SLC35F4: variants seen among roughly 807,000 people sequenced by gnomAD.
SLC35F4 encodes chromosome 14 open reading frame 36.
Under a neutral mutation model 44.2 loss-of-function variants are expected in SLC35F4, and 24 were observed. That is an observed-to-expected ratio of 0.54 (90% confidence interval 0.39 to 0.76). SLC35F4 has a LOEUF of 0.76. Ranked by LOEUF, SLC35F4 falls within the 30% of genes least tolerant of loss-of-function variation. SLC35F4 has a pLI of 0.00. For synonymous variants in SLC35F4, 238 were observed against 223.6 expected (o/e 1.06, Z -0.57); for missense variants, 562 against 586.1 (o/e 0.96, Z 0.42).
intron 1 of SLC35F4, among the ~76,000 whole-genome samples, chr14:57,669,375 G>A (rs1468282044): frequency 6.6e-6 from 1 of 152,054 alleles, no homozygotes; most frequent in Non-Finnish European, 1.5e-5. Context: ...ATGTTGAATA[G>A]GAGTGGTGAG....
At chr14:57,616,083 T>C (rs2071801349) in intron 1 of SLC35F4, among the ~76,000 whole-genome samples, 1 of 152,256 alleles carries the variant, frequency 6.6e-6, no homozygotes, top group South Asian at 2.1e-4. Flanking sequence ...TTAAAATTTA[T>C]CATTTTAACT....
chr14:57,730,529 A>G (rs1008785008), intron 1 of SLC35F4, among the ~76,000 whole-genome samples: 2 of 152,170 alleles, frequency 1.3e-5, no homozygotes, highest in Admixed American at 1.3e-4. Flanking sequence ...TCCTAGTCTA[A>G]ATATCAAACA....
intron 1 of SLC35F4, among the ~76,000 whole-genome samples, chr14:57,856,997 C>A (rs547755259): frequency 2.0e-5 from 3 of 151,956 alleles, no homozygotes; most frequent in African/African-American, 7.3e-5. Flanking sequence ...TTTCCTTGGC[C>A]GGGCACGGTG....
intron 1 of SLC35F4, among the ~76,000 whole-genome samples, chr14:57,966,830 C>T (rs139811449): frequency 0.022 from 3,306 of 151,954 alleles, 62 homozygotes; most frequent in South Asian, 0.07. Flanking sequence ...GCCAACATGG[C>T]GAAACCCCGT....
intron 1 of SLC35F4, among the ~76,000 whole-genome samples, chr14:57,834,584 T>C (rs544186594): frequency 2.0e-5 from 3 of 152,278 alleles, no homozygotes; most frequent in African/African-American, 7.2e-5. Context: ...GGAGGGGAGA[T>C]ATTAGGACAG....
chr14:57,614,289 A>C (rs2071679814), intron 1 of SLC35F4, among the ~76,000 whole-genome samples: 1 of 152,220 alleles, frequency 6.6e-6, no homozygotes, highest in African/African-American at 2.4e-5. Flanking sequence ...TTAAGGAGGA[A>C]GAAAAAGTTG....
intron 1 of SLC35F4, among the ~76,000 whole-genome samples, chr14:57,793,335 A>G (rs1416064773): frequency 6.6e-6 from 1 of 151,326 alleles, no homozygotes; most frequent in Admixed American, 6.6e-5. Context: ...CTGGGCTTTT[A>G]GTGCACCCAT....
At chr14:57,669,773 G>A (rs886515314) in intron 1 of SLC35F4, among the ~76,000 whole-genome samples, 3 of 152,032 alleles carry the variant, frequency 2.0e-5, no homozygotes, top group Non-Finnish European at 2.9e-5. Context: ...GTTCACCAGG[G>A]ATATTGGTCT....
intron 1 of SLC35F4, among the ~76,000 whole-genome samples, chr14:57,778,788 CAATAAA>C (rs1595040237): frequency 1.3e-5 from 2 of 151,530 alleles, no homozygotes; most frequent in African/African-American, 4.8e-5. Flanking sequence ...GACCACAGCG[CAATAAA>C]AATAGAAATC....
intron 1 of SLC35F4, among the ~76,000 whole-genome samples, chr14:57,950,498 T>C (rs748204610): frequency 6.6e-6 from 1 of 152,120 alleles, no homozygotes; most frequent in African/African-American, 2.4e-5. Flanking sequence ...AGTAGCTTAA[T>C]AATCAACCTT....
intron 1 of SLC35F4, among the ~76,000 whole-genome samples, chr14:57,858,919 CA>C (rs948107478): frequency 1.1e-4 from 15 of 141,194 alleles, no homozygotes; most frequent in African/African-American, 4.0e-4. Flanking sequence ...GGCAACATAG[CA>C]AAACCTGATC....
chr14:57,978,125 G>A (rs916778341), intron 1 of SLC35F4, among the ~76,000 whole-genome samples: 1 of 152,150 alleles, frequency 6.6e-6, no homozygotes, highest in African/African-American at 2.4e-5. Flanking sequence ...TTTGCTGGGA[G>A]GAATAAGAGT....
At chr14:57,602,677 G>A (rs1342084299) in intron 1 of SLC35F4, 1 of 152,132 alleles carries the variant, frequency 6.6e-6, no homozygotes. Flanking sequence ...AATGCAACTA[G>A]TGACACTTTC....
At chr14:57,689,112 A>G (rs370808326) in intron 1 of SLC35F4, among the ~76,000 whole-genome samples, 67 of 152,294 alleles carry the variant, frequency 4.4e-4, no homozygotes, top group African/African-American at 1.5e-3. Flanking sequence ...GAAATATCCT[A>G]TAAGTGCTTC....
At chr14:57,700,487 A>T (rs1018384112) in intron 1 of SLC35F4, among the ~76,000 whole-genome samples, 2 of 152,198 alleles carry the variant, frequency 1.3e-5, no homozygotes, top group African/African-American at 2.4e-5. Context: ...TTTATATTTT[A>T]AAAATTCTTT....
In SLC35F4 at chr14:57,748,811, G is replaced by C. The variant is rs528199373; in HGVS notation, c.103+116912C>G. 3.5e-4 allele frequency among the ~76,000 whole-genome samples: 53 copies of C among 152,262 alleles called. 1 individual carries two copies. The South Asian group carries it at 0.01, about 30-fold the overall frequency. Reference sequence around the variant, plus strand: ...AGAAAAGCAATGTGTATAGTGTAGAGAAAAGCCATGTGTATAGCTGCATAT... The same window carrying C: ...AGAAAAGCAATGTGTATAGTGTAGACAAAAGCCATGTGTATAGCTGCATAT... On this transcript the variant is annotated intron_variant, in intron 1 of 7. Coordinates refer to ENST00000556826, the MANE Select transcript of SLC35F4 (RefSeq NM_001306087.2).
intron 1 of SLC35F4, among the ~76,000 whole-genome samples, chr14:57,658,468 T>C (rs1202892823): frequency 1.3e-5 from 2 of 152,214 alleles, no homozygotes; most frequent in Non-Finnish European, 2.9e-5. Context: ...CAGGTCTGCA[T>C]ATATTTGAGA....
At chr14:57,580,510 C>A in intron 4 of SLC35F4, 1 of 393,562 alleles carries the variant, frequency 2.5e-6, no homozygotes, top group Non-Finnish European at 4.9e-6. Flanking sequence ...TGAGATCTGG[C>A]TCCTTAAATC....
At chr14:57,577,524 A>G (rs948233000) in intron 4 of SLC35F4, among the ~76,000 whole-genome samples, 1 of 150,748 alleles carries the variant, frequency 6.6e-6, no homozygotes, top group Admixed American at 6.6e-5. Flanking sequence ...TGAATAGTAT[A>G]AAAAAATAAG....
Sources: allele counts gnomAD v4.1 joint callset (sites outside exome capture counted in the v4.1 genomes callset), GRCh38; gene constraint gnomAD v4.1.1; transcripts MANE v1.5; gene names NCBI Gene and HGNC (gene_info 2026-07-23, HGNC 2026-07-21).